The following MAP3K3 variants were observed in gnomAD, a reference collection of about 807,000 sequenced individuals.
The protein encoded by MAP3K3 is MAP/ERK kinase kinase 3.
MAP3K3 carries 12 observed loss-of-function variants against 80.9 expected under a neutral mutation model. That is an observed-to-expected ratio of 0.15 (90% CI 0.10 to 0.24). The LOEUF (loss-of-function observed/expected upper bound fraction) is 0.24, where lower values mean the gene tolerates loss of function less well. Among genes scored for constraint, MAP3K3 ranks in the 10% least tolerant of loss-of-function variants. The probability of loss-of-function intolerance (pLI) is 1.00; values close to 1 mark genes in which losing one functional copy is unlikely to be tolerated. For synonymous variants in MAP3K3, 272 were observed against 307.1 expected (o/e 0.89, Z 1.19); for missense variants, 596 against 834.7 (o/e 0.71, Z 3.52).
At position 63,646,078 on chromosome 17, in the gene MAP3K3, A is replaced by G. The variant is rs771488402; in HGVS notation, c.167+4A>G. 1 of 1,613,830 alleles carries G rather than the reference A, an allele frequency of 6.2e-7. No homozygotes were observed. Among genetic ancestry groups the G allele is most frequent in the Non-Finnish European group, 8.5e-7 (1 of 1,179,744 alleles). The stretch of plus-strand genomic sequence containing the variant: ...TCGAGCACAACGGGGAGAGGCGGTA[A>G]GTCTGCCTTCTGATGAGTAGCTGTG... On this transcript the variant is annotated splice_donor_region_variant and intron_variant, in intron 3 of 15. Transcript: ENST00000361733.
At chr17:63,666,459 C>T (rs2035001645) in intron 5 of MAP3K3, among the ~76,000 whole-genome samples, 1 of 152,146 alleles carries the variant, frequency 6.6e-6, no homozygotes. Context: ...CATAGCAAGA[C>T]TCTGTATCAA....
At position 63,657,787 on chromosome 17, in the gene MAP3K3, A is replaced by G. The variant is rs754006982; in HGVS notation, c.268-7A>G. 6 of 1,354,146 alleles carry G rather than the reference A, an allele frequency of 4.4e-6. No homozygotes were observed. The highest frequency in any genetic ancestry group is 6.3e-6 in the Non-Finnish European group (6 of 950,436). 83.9% of individuals were successfully genotyped at this position (1,354,146 alleles called of 1,614,324 possible). On this transcript the variant is annotated splice_polypyrimidine_tract_variant and splice_region_variant and intron_variant, in intron 4 of 15. Transcript: ENST00000361733. ...ATTATTTTCCTTTTCTATGTCTTGT[A>G]TCACAGCTCTCCATCCTGCTGAAAA...
chr17:63,637,063 G>T, intron 2 of MAP3K3: 1 of 506,214 alleles, frequency 2.0e-6, no homozygotes, highest in Non-Finnish European at 3.7e-6. Context: ...AGATTACCAA[G>T]TTTGAGAGCG....
At chr17:63,676,620 G>A (rs1278380983) in intron 6 of MAP3K3, among the ~76,000 whole-genome samples, 1 of 152,242 alleles carries the variant, frequency 6.6e-6, no homozygotes, top group Non-Finnish European at 1.5e-5. Context: ...CTAGTTTCAG[G>A]AAGAAGAGGT....
At chr17:63,663,427 G>A (rs556659824) in intron 5 of MAP3K3, among the ~76,000 whole-genome samples, 2 of 152,050 alleles carry the variant, frequency 1.3e-5, no homozygotes, top group African/African-American at 4.8e-5. Context: ...GCTTGAACCT[G>A]GGAGGCGGAG....
chr17:63,623,345 C>T (rs2034033843), intron 1 of MAP3K3, among the ~76,000 whole-genome samples: 1 of 152,168 alleles, frequency 6.6e-6, no homozygotes, highest in African/African-American at 2.4e-5. Flanking sequence ...ATCAAGCGCG[C>T]GGTTGACAAA....
At chr17:63,687,910 G>T (rs796763736) in intron 8 of MAP3K3, among the ~76,000 whole-genome samples, 1 of 151,986 alleles carries the variant, frequency 6.6e-6, no homozygotes, top group East Asian at 1.9e-4. Context: ...ACTCCAGCCC[G>T]GCAGCAGAGC....
At chr17:63,664,241 C>T (rs1215131828) in intron 5 of MAP3K3, among the ~76,000 whole-genome samples, 4 of 110,392 alleles carry the variant, frequency 3.6e-5, no homozygotes, top group Non-Finnish European at 5.2e-5. Flanking sequence ...AGCGAGACTC[C>T]GTCTCAAAAA....
chr17:63,694,365 CTG>C lies in MAP3K3; in HGVS notation c.*589_*590del, dbSNP rs1368413870. The C allele has an allele frequency of 2.6e-5, 4 of 152,660 alleles. No individual in the cohort carries two copies. Among genetic ancestry groups the C allele is most frequent in the African/African-American group, 9.7e-5 (4 of 41,448 alleles). 9.5% of individuals were successfully genotyped at this position (152,660 alleles called of 1,614,324 possible). A position where few individuals can be genotyped will look rare whatever the true frequency, so the allele number is the denominator to read the frequency against. On this transcript the variant is annotated 3_prime_UTR_variant, in exon 16 of 16. Transcript: ENST00000361733. ...AAAGATGAATGAAGCAAATGTCATG[CTG>C]CCTTATTCAGGGAAGGAGGAGCCTG... is the stretch of plus-strand genomic sequence containing the variant.
rs1213764105 is a variant in MAP3K3, at chr17:63,693,947, G to C, written c.*170G>C. 1 of 572,900 alleles carries C rather than the reference G, an allele frequency of 1.7e-6. No homozygotes were observed. Among genetic ancestry groups the C allele is most frequent in the Admixed American group, 3.6e-5 (1 of 28,000 alleles). 35.5% of individuals were successfully genotyped at this position (572,900 alleles called of 1,614,324 possible). A position where few individuals can be genotyped will look rare whatever the true frequency, so the allele number is the denominator to read the frequency against. ...CCACTGGGGCTCAGAGCCGGGGTGG[G>C]GTGGCTGCAGCCTCAGGACTGGGAG... On this transcript the variant is annotated 3_prime_UTR_variant, in exon 16 of 16. Transcript: ENST00000361733. This position sits in a 1 kb window ranked among gnomAD's most constrained non-coding sequence, Gnocchi z 4.2.
intron 1 of MAP3K3, among the ~76,000 whole-genome samples, chr17:63,624,019 C>T (rs2034049494): frequency 1.3e-5 from 2 of 152,192 alleles, no homozygotes; most frequent in Non-Finnish European, 2.9e-5. Context: ...TGCTGTCCCT[C>T]ATACAGTATG....
At chr17:63,651,446 C>G (rs910011342) in intron 3 of MAP3K3, among the ~76,000 whole-genome samples, 5 of 152,090 alleles carry the variant, frequency 3.3e-5, no homozygotes, top group Non-Finnish European at 5.9e-5. Context: ...TGCACTCCAG[C>G]CTAGGTGACA....
intron 2 of MAP3K3, among the ~76,000 whole-genome samples, chr17:63,644,276 A>G (rs1658156349): frequency 6.6e-6 from 1 of 152,158 alleles, no homozygotes. Flanking sequence ...GTGCAACAGC[A>G]TTGTCTCAGC....
chr17:63,624,809 G>A (rs2034068499), intron 1 of MAP3K3, among the ~76,000 whole-genome samples: 1 of 152,214 alleles, frequency 6.6e-6, no homozygotes, highest in African/African-American at 2.4e-5. Context: ...GAAAGTAGAT[G>A]ACCTTGATAC....
At position 63,692,332 on chromosome 17, in the gene MAP3K3, C is replaced by T. The variant is rs773722519; in HGVS notation, c.1565C>T (p.Thr522Met). ...CTGCAGACGATCTGTATGTCGGGGA[C>T]GGGCATGCGCTCCGTCACTGGCACA... ...KRLQTICMSGTGMRSVTGTPY... is the reference protein window; with the variant it reads ...KRLQTICMSGMGMRSVTGTPY... Residue 522 changes from threonine (T) to methionine (M), a missense_variant, in exon 15 of 16, where the codon ACG becomes ATG. Physicochemically the swap from Thr to Met is moderately conservative, Grantham distance 81 (BLOSUM62 -1). Transcript: ENST00000361733. This position sits in a 1 kb window ranked among gnomAD's most constrained non-coding sequence, Gnocchi z 4.5. 21 of 1,613,870 alleles carry T rather than the reference C, an allele frequency of 1.3e-5. No homozygotes were observed. The highest frequency in any genetic ancestry group is 2.2e-5 in the East Asian group (1 of 44,870).
rs777513148 is a variant in MAP3K3 at position 63,691,335 on chromosome 17, C to T, written c.1344+102C>T. On this transcript the variant is annotated intron_variant, in intron 13 of 15. Coordinates refer to ENST00000361733, the MANE Select transcript of MAP3K3 (RefSeq NM_002401.5). The surrounding 1 kb of genome is among the most constrained non-coding windows in gnomAD (Gnocchi z 4.8). ...GTCACCTTGGATAGGAGTTTGAACA[C>T]CTGAGGCTCCAGAGGCCCAGAGGAG... 1 of 1,523,516 alleles carries T rather than the reference C, an allele frequency of 6.6e-7. No homozygotes were observed. Among genetic ancestry groups the T allele is most frequent in the Middle Eastern group, 1.7e-4 (1 of 5,802 alleles). The allele number at this position is 1,523,516 out of a possible 1,614,324, so 94.4% of individuals were successfully genotyped here.
Position 63,689,124 on chromosome 17 carries a change from C to G in MAP3K3, c.871+243C>G, listed in dbSNP as rs1015161284. The G allele has an allele frequency of 1.7e-6, 1 of 581,146 alleles. No individual in the cohort carries two copies. The highest frequency in any genetic ancestry group is 3.0e-5 in the Admixed American group (1 of 32,794). 36.0% of individuals were successfully genotyped at this position (581,146 alleles called of 1,614,324 possible). A position where few individuals can be genotyped will look rare whatever the true frequency, so the allele number is the denominator to read the frequency against. On this transcript the variant is annotated intron_variant, in intron 10 of 15. Transcript: ENST00000361733. The surrounding 1 kb of genome is among the most constrained non-coding windows in gnomAD (Gnocchi z 4.3). Reference sequence around the variant, plus strand: ...TGAAGCCAGTGGTGTGCTCCAGGGGCACCATCTCTCCCATGTCCTCTTCTG... The same window carrying G: ...TGAAGCCAGTGGTGTGCTCCAGGGGGACCATCTCTCCCATGTCCTCTTCTG...
chr17:63,671,012 T>C (rs2035095974), intron 6 of MAP3K3, among the ~76,000 whole-genome samples: 1 of 152,040 alleles, frequency 6.6e-6, no homozygotes, highest in South Asian at 2.1e-4. Context: ...CTGGCTACAG[T>C]GTGGATAACA....
Position 63,661,913 on chromosome 17 carries a change from C to G in MAP3K3, c.381+4006C>G, listed in dbSNP as rs576058248. On this transcript the variant is annotated intron_variant, in intron 5 of 15. Coordinates refer to ENST00000361733, the MANE Select transcript of MAP3K3 (RefSeq NM_002401.5). ...GGTCAGGAGATGGAGACCATCCTGG[C>G]TAACACGTGAAACCCCATCTCTACT... Among the ~76,000 whole-genome samples, 11 of 151,248 alleles carry G rather than the reference C, an allele frequency of 7.3e-5. 1 individual carries two copies. The South Asian group carries it at 2.3e-3, about 32-fold the overall frequency.
Sources: gnomAD v4.1 joint callset for allele counts (sites outside exome capture counted in the v4.1 genomes callset) on GRCh38, gnomAD v4.1.1 for gene constraint, Gnocchi (gnomAD v3.1) non-coding constraint, MANE v1.5 for transcripts, NCBI Gene and HGNC (gene_info 2026-07-23, HGNC 2026-07-21) for gene names.